The following ROBO1 variants were observed in gnomAD, a reference collection of about 807,000 sequenced individuals.
ROBO1 encodes the protein roundabout homolog 1.
ROBO1 carries 149 observed loss-of-function variants against 195.9 expected under a neutral mutation model. The ratio of observed to expected loss-of-function variants is 0.76; its 90% CI spans 0.67 to 0.87. The LOEUF (loss-of-function observed/expected upper bound fraction) is 0.87, where lower values mean the gene tolerates loss of function less well. ROBO1 is among the 40% of genes least tolerant of loss of function. The pLI is 0.00. For synonymous variants in ROBO1, 816 were observed against 733.2 expected (o/e 1.11, Z -1.82); for missense variants, 1,933 against 2,068.3 (o/e 0.93, Z 1.27).
At chr3:78,901,736 T>C (rs2037601626) in intron 4 of ROBO1, among the ~76,000 whole-genome samples, 1 of 152,128 alleles carries the variant, frequency 6.6e-6, no homozygotes, top group Non-Finnish European at 1.5e-5. Context: ...GAAGACACAT[T>C]AGCTCTCTTT....
intron 2 of ROBO1, among the ~76,000 whole-genome samples, chr3:79,480,778 C>A (rs1032750242): frequency 6.6e-6 from 1 of 152,042 alleles, no homozygotes; most frequent in African/African-American, 2.4e-5. Context: ...ATATTATCAG[C>A]TTTACTTTAA....
At chr3:79,684,112 T>A (rs571977115) in intron 1 of ROBO1, among the ~76,000 whole-genome samples, 17 of 152,248 alleles carry the variant, frequency 1.1e-4, no homozygotes, top group Non-Finnish European at 2.2e-4. Flanking sequence ...CCAATACATG[T>A]TATGGTCCAT....
chr3:79,576,126 T>G (rs1313641087), intron 2 of ROBO1, among the ~76,000 whole-genome samples: 1 of 151,998 alleles, frequency 6.6e-6, no homozygotes, highest in East Asian at 1.9e-4. Flanking sequence ...CATTGAATAG[T>G]CTGCTGAGAC....
At chr3:78,899,768 C>T (rs563946301) in intron 4 of ROBO1, among the ~76,000 whole-genome samples, 3 of 152,082 alleles carry the variant, frequency 2.0e-5, no homozygotes, top group South Asian at 2.1e-4. Flanking sequence ...TACTACAAAA[C>T]GGCGATGGTT....
intron 2 of ROBO1, among the ~76,000 whole-genome samples, chr3:79,350,550 C>T (rs1325291729): frequency 1.3e-5 from 2 of 152,130 alleles, no homozygotes; most frequent in African/African-American, 4.8e-5. Flanking sequence ...AAATGTCCAT[C>T]AACTGATGAA....
chr3:78,714,430 T>C lies in ROBO1; in HGVS notation c.1012A>G (p.Lys338Glu), dbSNP rs751863288. Reference sequence around the variant, plus strand: ...GTCAGAGTAGCAGATGCTTCAGCTTTGCCCACCATATTTTCTGCAACACAA... The same window carrying C: ...GTCAGAGTAGCAGATGCTTCAGCTTCGCCCACCATATTTTCTGCAACACAA... ...YTCVAENMVG[K>E]AEASATLTVQ... The change falls in exon 8 of 31, where the codon AAA (lysine) becomes GAA (glutamate). Residue 338 changes from lysine (K) to glutamate (E), a missense_variant. Around this residue, in one of 3 missense-constraint regions of ROBO1, gnomAD observed 1,737 missense variants for 1,882.5 expected, o/e 0.92. Coordinates refer to ENST00000464233, the MANE Select transcript of ROBO1 (RefSeq NM_002941.4). 1 of 1,613,384 alleles carries C rather than the reference T, an allele frequency of 6.2e-7. No homozygotes were observed. Among genetic ancestry groups the C allele is most frequent in the Non-Finnish European group, 8.5e-7 (1 of 1,179,578 alleles).
chr3:79,419,186 T>TGA (rs951567672), intron 2 of ROBO1, among the ~76,000 whole-genome samples: 17 of 152,196 alleles, frequency 1.1e-4, no homozygotes, highest in African/African-American at 4.1e-4. Context: ...TGAGCAAGTT[T>TGA]GAGAGAGAGG....
At chr3:78,716,404 A>T (rs989898629) in intron 7 of ROBO1, among the ~76,000 whole-genome samples, 5 of 152,100 alleles carry the variant, frequency 3.3e-5, no homozygotes, top group African/African-American at 1.2e-4. Flanking sequence ...CCAGCAGGGG[A>T]AATGCCAGAC....
chr3:78,813,606 GA>G (rs940546006), intron 4 of ROBO1, among the ~76,000 whole-genome samples: 1 of 151,678 alleles, frequency 6.6e-6, no homozygotes, highest in African/African-American at 2.4e-5. Context: ...TCACATTACA[GA>G]AAAAAAATAT....
chr3:79,249,491 A>G (rs759432765), intron 2 of ROBO1, among the ~76,000 whole-genome samples: 21 of 152,118 alleles, frequency 1.4e-4, no homozygotes, highest in Non-Finnish European at 2.9e-4. Context: ...TTTGTGCCCA[A>G]TCATAAGAAA....
At chr3:78,796,747 T>A (rs377264936) in intron 4 of ROBO1, among the ~76,000 whole-genome samples, 1 of 152,134 alleles carries the variant, frequency 6.6e-6, no homozygotes, top group South Asian at 2.1e-4. Context: ...CCTGACTGGG[T>A]TATAGCAACT....
In ROBO1 at chr3:78,717,790, T is replaced by C. The variant is rs2081939539; in HGVS notation, c.751A>G (p.Ser251Gly). ...AAGACAGTCAGCTCGGCTACTTCAC[T>C]CTCACGTTCCCCAACCATATTGGTA... The part of the protein sequence containing the change: ...VGTNMVGERE[S>G]EVAELTVLER... Residue 251 changes from serine to glycine, a missense_variant, in exon 6 of 31, where the codon AGT becomes GGT. Coordinates refer to ENST00000464233, the MANE Select transcript of ROBO1 (RefSeq NM_002941.4). 1 of 1,613,722 alleles carries C rather than the reference T, an allele frequency of 6.2e-7. No individual in the cohort carries two copies. Among genetic ancestry groups the C allele is most frequent in the Non-Finnish European group, 8.5e-7 (1 of 1,179,756 alleles).
At chr3:78,835,112 C>T (rs1215630819) in intron 4 of ROBO1, among the ~76,000 whole-genome samples, 1 of 152,088 alleles carries the variant, frequency 6.6e-6, no homozygotes, top group African/African-American at 2.4e-5. Context: ...ATGTTTTTGT[C>T]ATCTAGTTTT....
At chr3:78,857,562 C>T (rs1000507026) in intron 4 of ROBO1, among the ~76,000 whole-genome samples, 4 of 152,246 alleles carry the variant, frequency 2.6e-5, no homozygotes, top group African/African-American at 9.6e-5. Flanking sequence ...AAGTGTTTTT[C>T]CCAGACCAGC....
At chr3:79,519,645 AAAAAG>A (rs1386571432) in intron 2 of ROBO1, among the ~76,000 whole-genome samples, 1 of 149,974 alleles carries the variant, frequency 6.7e-6, no homozygotes. Context: ...AAAAAAAAAA[AAAAAG>A]AAAAGAAAAA....
At chr3:78,650,793 A>C (rs1373298159) in intron 19 of ROBO1, among the ~76,000 whole-genome samples, 3 of 152,192 alleles carry the variant, frequency 2.0e-5, no homozygotes, top group African/African-American at 7.2e-5. Flanking sequence ...CATTTAAGTC[A>C]GTACAATTTT....
chr3:79,296,043 T>G (rs1041289532), intron 2 of ROBO1, among the ~76,000 whole-genome samples: 4 of 152,170 alleles, frequency 2.6e-5, no homozygotes, highest in African/African-American at 7.2e-5. Context: ...CAAGCAAGTA[T>G]GAAATCCATA....
intron 2 of ROBO1, among the ~76,000 whole-genome samples, chr3:79,209,324 T>C (rs1477477283): frequency 1.3e-5 from 2 of 152,200 alleles, no homozygotes; most frequent in Admixed American, 6.5e-5. Context: ...CATTATTTCA[T>C]TCCTTTTTAT....
intron 2 of ROBO1, among the ~76,000 whole-genome samples, chr3:79,446,075 G>T (rs2039244189): frequency 6.6e-6 from 1 of 152,140 alleles, no homozygotes. Flanking sequence ...TAGGATTACA[G>T]ACGTGAGTCA....
Sources: gnomAD v4.1 joint callset for allele counts (sites outside exome capture counted in the v4.1 genomes callset) on GRCh38, gnomAD v4.1.1 for gene constraint, gnomAD v4.1.1 regional missense constraint, MANE v1.5 for transcripts, NCBI Gene and HGNC (gene_info 2026-07-23, HGNC 2026-07-21) for gene names.